Variants in GFOD1 observed in about 807,000 individuals in gnomAD.
GFOD1 encodes glucose-fructose oxidoreductase domain-containing protein 1.
In GFOD1, 9 loss-of-function variants were observed where a neutral mutation model predicts 25.4. The ratio of observed to expected loss-of-function variants is 0.35; its 90% CI spans 0.21 to 0.62. The LOEUF (loss-of-function observed/expected upper bound fraction) is 0.62. GFOD1 is among the 20% of genes least tolerant of loss of function. GFOD1 has a pLI of 0.72. For missense variants in GFOD1, 403 were observed against 556.9 expected, an observed-to-expected ratio of 0.72 and a Z score of 2.78; for synonymous variants, 253 against 245.6, an observed-to-expected ratio of 1.03 and a Z score of -0.28.
intron 1 of GFOD1, among the ~76,000 whole-genome samples, chr6:13,437,024 T>C (rs902060076): frequency 5.9e-5 from 9 of 152,172 alleles, no homozygotes; most frequent in African/African-American, 2.2e-4. Context: ...TGGATATCCC[T>C]TGGCCAAGTT....
At chr6:13,451,722 C>G (rs1758102395) in intron 1 of GFOD1, among the ~76,000 whole-genome samples, 1 of 152,182 alleles carries the variant, frequency 6.6e-6, no homozygotes, top group African/African-American at 2.4e-5. Context: ...TGGCAAGGAC[C>G]AGGGTTGGGA....
Position 13,364,908 on chromosome 6 carries a change from G to A in GFOD1, c.1008C>T (p.Thr336=), listed in dbSNP as rs944539947. ...ACAAGGCATACAGGCAGTCGTCGAA[G>A]GTGGCGGCCATGGTGAGGGGCCGCC... ...WDGRPLTMAA[T]FDDCLYALCV... Residue 336 remains threonine, a synonymous_variant, in exon 2 of 2, where the codon ACC becomes ACT. Coordinates refer to ENST00000379287, the MANE Select transcript of GFOD1 (RefSeq NM_018988.4). This position sits in a 1 kb window ranked among gnomAD's most constrained non-coding sequence, Gnocchi z 4.1. 1 of 1,613,360 alleles carries A rather than the reference G, an allele frequency of 6.2e-7. No individual in the cohort carries two copies. The highest frequency in any genetic ancestry group is 8.5e-7 in the Non-Finnish European group (1 of 1,180,032).
At chr6:13,426,564 G>A (rs78998131) in intron 1 of GFOD1, among the ~76,000 whole-genome samples, 10 of 152,110 alleles carry the variant, frequency 6.6e-5, no homozygotes, top group Non-Finnish European at 1.2e-4. Context: ...CCCGGGAAGC[G>A]GCCTCTACCC....
chr6:13,434,584 A>G (rs903415025), intron 1 of GFOD1, among the ~76,000 whole-genome samples: 2 of 152,256 alleles, frequency 1.3e-5, no homozygotes, highest in Non-Finnish European at 2.9e-5. Flanking sequence ...ATGGGAATAC[A>G]GAAGTCAAGT....
At chr6:13,419,734 G>A (rs557002307) in intron 1 of GFOD1, among the ~76,000 whole-genome samples, 21 of 152,172 alleles carry the variant, frequency 1.4e-4, no homozygotes, top group African/African-American at 4.3e-4. Flanking sequence ...TCACGGTTGC[G>A]GGACACGGAA....
At chr6:13,381,149 G>A (rs967943812) in intron 1 of GFOD1, among the ~76,000 whole-genome samples, 3 of 152,236 alleles carry the variant, frequency 2.0e-5, no homozygotes, top group Admixed American at 6.5e-5. Context: ...TGGCTGGGCT[G>A]AGTCCTGGTG....
At chr6:13,428,512 TGC>T (rs1757685019) in intron 1 of GFOD1, among the ~76,000 whole-genome samples, 1 of 51,068 alleles carries the variant, frequency 2.0e-5, no homozygotes, top group Admixed American at 3.1e-4. Context: ...CCCAGTGCGA[TGC>T]GATGCGCTGG....
At chr6:13,411,661 C>G (rs979756967) in intron 1 of GFOD1, among the ~76,000 whole-genome samples, 3 of 152,210 alleles carry the variant, frequency 2.0e-5, no homozygotes, top group African/African-American at 7.2e-5. Context: ...CACTGTGTCA[C>G]CAGAAAGGCC....
chr6:13,393,138 T>C (rs1265572507), intron 1 of GFOD1, among the ~76,000 whole-genome samples: 1 of 151,728 alleles, frequency 6.6e-6, no homozygotes, highest in African/African-American at 2.4e-5. Flanking sequence ...GGTGGATCAC[T>C]TGAGGTCAGG....
At chr6:13,392,250 C>T (rs138997818) in intron 1 of GFOD1, among the ~76,000 whole-genome samples, 12,629 of 150,540 alleles carry the variant, frequency 0.084, 532 homozygotes, top group African/African-American at 0.1. Flanking sequence ...GTGGTCCCAG[C>T]TACTTGGGAG....
intron 1 of GFOD1, among the ~76,000 whole-genome samples, chr6:13,409,762 A>C (rs538954570): frequency 6.6e-6 from 1 of 152,254 alleles, no homozygotes; most frequent in East Asian, 1.9e-4. Context: ...TCTACTAAAA[A>C]TACAAAAAAA....
chr6:13,479,196 T>C (rs569378843), intron 1 of GFOD1, among the ~76,000 whole-genome samples: 22 of 152,170 alleles, frequency 1.4e-4, no homozygotes, highest in Non-Finnish European at 2.9e-4. Flanking sequence ...CACTTAAAAA[T>C]TTTTAAAAAT....
At chr6:13,366,305 T>C (rs1472385183) in intron 1 of GFOD1, among the ~76,000 whole-genome samples, 2 of 151,794 alleles carry the variant, frequency 1.3e-5, no homozygotes, top group Non-Finnish European at 2.9e-5. Context: ...CTCAGCCTCC[T>C]GAGTAGCTAA....
In GFOD1 at chr6:13,367,007, G is replaced by A. The variant is rs1584605736; in HGVS notation, c.254-1345C>T. ...TATGTTATTTAAATACAAAATATTA[G>A]ATAGTACTATTAAAGTATACAATAT... On this transcript the variant is annotated intron_variant, in intron 1 of 1. Transcript: ENST00000379287. 4.0e-5 allele frequency among the ~76,000 whole-genome samples: 6 copies of A among 151,738 alleles called. No individual in the cohort carries two copies. The South Asian group carries it at 1.2e-3, about 32-fold the overall frequency.
intron 1 of GFOD1, among the ~76,000 whole-genome samples, chr6:13,438,161 C>T (rs1243290997): frequency 3.9e-5 from 6 of 152,180 alleles, no homozygotes; most frequent in African/African-American, 1.4e-4. Context: ...CTAATTTGAG[C>T]CTCCTCTTCC....
chr6:13,465,748 G>T (rs1758369506), intron 1 of GFOD1, among the ~76,000 whole-genome samples: 1 of 152,128 alleles, frequency 6.6e-6, no homozygotes, highest in African/African-American at 2.4e-5. Context: ...AGGGACCCCT[G>T]TTAAGGTCAT....
At chr6:13,461,203 T>A (rs563923525) in intron 1 of GFOD1, among the ~76,000 whole-genome samples, 1 of 152,300 alleles carries the variant, frequency 6.6e-6, no homozygotes, top group East Asian at 1.9e-4. Flanking sequence ...ATGTTTGCAG[T>A]CTCCTTCACA....
chr6:13,387,734 T>A (rs1043082421), intron 1 of GFOD1, among the ~76,000 whole-genome samples: 2 of 152,058 alleles, frequency 1.3e-5, no homozygotes, highest in African/African-American at 4.8e-5. Flanking sequence ...CTCTCACCAC[T>A]CCTATTCAAC....
At chr6:13,471,940 T>A (rs992091686) in intron 1 of GFOD1, 3 of 153,654 alleles carry the variant, frequency 2.0e-5, no homozygotes, top group African/African-American at 7.2e-5. Context: ...GATAAAGACA[T>A]ACCCAAGACT....
Sources: allele counts gnomAD v4.1 joint callset (sites outside exome capture counted in the v4.1 genomes callset), GRCh38; gene constraint gnomAD v4.1.1; non-coding constraint Gnocchi (gnomAD v3.1); transcripts MANE v1.5; gene names NCBI Gene and HGNC (gene_info 2026-07-23, HGNC 2026-07-21).